Variants in IMMP2L observed in about 807,000 individuals in gnomAD.
IMMP2L encodes inner mitochondrial membrane peptidase subunit 2, also known as mitochondrial inner membrane protease subunit 2.
In IMMP2L, 18 loss-of-function variants were observed where a neutral mutation model predicts 19.3. That is an observed-to-expected ratio of 0.93 (90% CI 0.64 to 1.38). The LOEUF (loss-of-function observed/expected upper bound fraction) is 1.38, where lower values mean the gene tolerates loss of function less well. Among genes scored for constraint, IMMP2L ranks in the 40% most tolerant of loss-of-function variants. The pLI is 0.00. For synonymous variants in IMMP2L, 76 were observed against 73.0 expected, an observed-to-expected ratio of 1.04 and a Z score of -0.21; for missense variants, 233 against 218.2, an observed-to-expected ratio of 1.07 and a Z score of -0.43.
intron 3 of IMMP2L, among the ~76,000 whole-genome samples, chr7:111,384,922 A>C (rs1450877019): frequency 6.6e-6 from 1 of 152,194 alleles, no homozygotes; most frequent in Admixed American, 6.6e-5. Flanking sequence ...AGTATATTAC[A>C]GCACACAAAG....
At chr7:111,130,564 C>A (rs898557081) in intron 3 of IMMP2L, among the ~76,000 whole-genome samples, 4 of 152,006 alleles carry the variant, frequency 2.6e-5, no homozygotes, top group African/African-American at 7.2e-5. Context: ...GTAATGTTTA[C>A]CAGACTCTGG....
At chr7:111,517,832 G>GTTT (rs1845999044) in intron 2 of IMMP2L, among the ~76,000 whole-genome samples, 1 of 152,032 alleles carries the variant, frequency 6.6e-6, no homozygotes, top group African/African-American at 2.4e-5. Context: ...TCAGCAACCA[G>GTTT]TAAAAGTGAT....
At chr7:110,685,752 CT>C (rs915119147) in intron 5 of IMMP2L, among the ~76,000 whole-genome samples, 2 of 151,702 alleles carry the variant, frequency 1.3e-5, no homozygotes, top group Admixed American at 1.3e-4. Context: ...TTTGAAGGAG[CT>C]TTTCTATATA....
chr7:110,949,750 TA>T (rs1376955153), intron 4 of IMMP2L, among the ~76,000 whole-genome samples: 2 of 151,978 alleles, frequency 1.3e-5, no homozygotes, highest in Non-Finnish European at 2.9e-5. Flanking sequence ...AAAAATATAT[TA>T]AAAAAACAGT....
rs1405214362 is a variant in IMMP2L, at chr7:111,191,369, T to C, written c.240-227804A>G. On this transcript the variant is annotated intron_variant, in intron 3 of 5. Coordinates refer to ENST00000405709, the MANE Select transcript of IMMP2L (RefSeq NM_032549.4). ...TGTTACATTACAGTCACATTCACTA[T>C]AACAGAATACTTCCAGAAAGATAGT... is the stretch of plus-strand genomic sequence containing the variant. Among the ~76,000 whole-genome samples the C allele has an allele frequency of 2.0e-5, 3 of 151,622 alleles. No individual in the cohort carries two copies. The East Asian group carries it at 5.8e-4, about 29-fold the overall frequency.
chr7:111,287,781 A>C (rs1483680552), intron 3 of IMMP2L, among the ~76,000 whole-genome samples: 1 of 152,196 alleles, frequency 6.6e-6, no homozygotes, highest in African/African-American at 2.4e-5. Context: ...CCAAAAAGAC[A>C]GCCCTTTGAA....
intron 5 of IMMP2L, among the ~76,000 whole-genome samples, chr7:110,749,009 G>A (rs1269349974): frequency 6.6e-6 from 1 of 152,112 alleles, no homozygotes; most frequent in Non-Finnish European, 1.5e-5. Flanking sequence ...ATCTGACAAA[G>A]GGCTAATATC....
intron 5 of IMMP2L, among the ~76,000 whole-genome samples, chr7:110,848,005 G>T (rs1296243999): frequency 6.6e-6 from 1 of 152,100 alleles, no homozygotes; most frequent in Non-Finnish European, 1.5e-5. Context: ...GTATGGTGAT[G>T]ATCTTTTAGA....
At chr7:111,004,975 T>C (rs1219639809) in intron 3 of IMMP2L, among the ~76,000 whole-genome samples, 1 of 152,148 alleles carries the variant, frequency 6.6e-6, no homozygotes, top group Non-Finnish European at 1.5e-5. Context: ...ATTCAATCTG[T>C]CCCAGGTTGC....
intron 5 of IMMP2L, among the ~76,000 whole-genome samples, chr7:110,730,812 G>A (rs7788317): frequency 0.18 from 27,689 of 151,980 alleles, 5,241 homozygotes; most frequent in African/African-American, 0.48. Flanking sequence ...GGCGTGAGCC[G>A]CCGCGCCCGG....
chr7:111,356,350 T>C (rs1056170072), intron 3 of IMMP2L, among the ~76,000 whole-genome samples: 2 of 152,136 alleles, frequency 1.3e-5, no homozygotes, highest in African/African-American at 2.4e-5. Flanking sequence ...CCAAACAATA[T>C]AGTATAATAA....
At position 110,686,833 on chromosome 7, in the gene IMMP2L, T is replaced by C. The variant is rs754294329; in HGVS notation, c.409-23112A>G. Among the ~76,000 whole-genome samples the C allele has an allele frequency of 5.3e-5, 8 of 152,140 alleles. No homozygotes were observed. In the East Asian group the frequency reaches 7.8e-4, roughly 15 times the overall value. Reference sequence around the variant, plus strand: ...CAACCTTGTTTTTCCCCAACTGCTATACACACTGGTACCAGATTAATTTTC... The same window carrying C: ...CAACCTTGTTTTTCCCCAACTGCTACACACACTGGTACCAGATTAATTTTC... On this transcript the variant is annotated intron_variant, in intron 5 of 5. Coordinates refer to ENST00000405709, the MANE Select transcript of IMMP2L (RefSeq NM_032549.4).
intron 3 of IMMP2L, among the ~76,000 whole-genome samples, chr7:111,203,285 G>A (rs900744523): frequency 6.6e-6 from 1 of 151,830 alleles, no homozygotes; most frequent in Non-Finnish European, 1.5e-5. Context: ...TCTTGGCACT[G>A]GGATACAGCA....
At chr7:111,007,150 C>G (rs1487497578) in intron 3 of IMMP2L, among the ~76,000 whole-genome samples, 1 of 152,094 alleles carries the variant, frequency 6.6e-6, no homozygotes, top group African/African-American at 2.4e-5. Flanking sequence ...CACGCACCTT[C>G]TTCACATGGT....
intron 4 of IMMP2L, among the ~76,000 whole-genome samples, chr7:110,908,550 T>C (rs1185420309): frequency 6.6e-6 from 1 of 152,206 alleles, no homozygotes; most frequent in Non-Finnish European, 1.5e-5. Context: ...GTATTTAAAG[T>C]TCCCAAACCA....
chr7:110,999,294 A>C (rs1308384843), intron 3 of IMMP2L, among the ~76,000 whole-genome samples: 1 of 147,120 alleles, frequency 6.8e-6, no homozygotes, highest in Admixed American at 6.9e-5. Context: ...TTTTCTTGTT[A>C]ATTTGTTTTC....
At chr7:111,463,611 C>T (rs908698293) in intron 3 of IMMP2L, among the ~76,000 whole-genome samples, 3 of 152,042 alleles carry the variant, frequency 2.0e-5, no homozygotes, top group African/African-American at 4.8e-5. Flanking sequence ...CCACTAGCCC[C>T]GCTCCCATAA....
At position 110,980,189 on chromosome 7, in the gene IMMP2L, C is replaced by A. The variant is rs115328005; in HGVS notation, c.240-16624G>T. 4.0e-3 allele frequency among the ~76,000 whole-genome samples: 586 copies of A among 148,290 alleles called. 4 individuals carry two copies. The highest frequency in any genetic ancestry group is 0.014 in the African/African-American group (565 of 40,566). On this transcript the variant is annotated intron_variant, in intron 3 of 5. Transcript: ENST00000405709. ...ACCACTCCCTGCTTTGAACTCTAAT[C>A]CCATTAACTGGCTTATATGACTGTA...
intron 3 of IMMP2L, among the ~76,000 whole-genome samples, chr7:111,077,546 C>T (rs1795519979): frequency 1.3e-5 from 2 of 152,128 alleles, no homozygotes; most frequent in Admixed American, 6.5e-5. Flanking sequence ...GGAATACTGT[C>T]ATCTCTCAAC....
Sources: gnomAD v4.1 joint callset for allele counts (sites outside exome capture counted in the v4.1 genomes callset) on GRCh38, gnomAD v4.1.1 for gene constraint, MANE v1.5 for transcripts, NCBI Gene and HGNC (gene_info 2026-07-23, HGNC 2026-07-21) for gene names.